CBFA2T3: variants seen among roughly 807,000 people sequenced by gnomAD.
CBFA2T3 encodes transcriptional corepressor CBFA2T3.
Under a neutral mutation model 58.6 loss-of-function variants are expected in CBFA2T3, and 31 were observed. The ratio of observed to expected loss-of-function variants is 0.53; its 90% CI spans 0.40 to 0.71. The LOEUF (loss-of-function observed/expected upper bound fraction) is 0.71. Ranked by LOEUF, CBFA2T3 falls within the 30% of genes least tolerant of loss-of-function variation. CBFA2T3 has a pLI of 0.00. For missense variants in CBFA2T3, 1,076 were observed against 963.1 expected, an observed-to-expected ratio of 1.12 and a Z score of -1.55; for synonymous variants, 531 against 421.9, an observed-to-expected ratio of 1.26 and a Z score of -3.17.
chr16:88,901,138 T>C (rs531339498), intron 2 of CBFA2T3, among the ~76,000 whole-genome samples: 1 of 152,222 alleles, frequency 6.6e-6, no homozygotes, highest in Non-Finnish European at 1.5e-5. Flanking sequence ...GAGCCTGGCA[T>C]TCCTAGGCCT....
At chr16:88,884,813 C>T (rs540475603) in intron 7 of CBFA2T3, 13 of 463,158 alleles carry the variant, frequency 2.8e-5, no homozygotes, top group Middle Eastern at 5.6e-4. Flanking sequence ...TGGGCAGTTC[C>T]AGGCCCGAGG....
Position 88,903,227 on chromosome 16 carries a change from AC to A in CBFA2T3, c.152-1572del, listed in dbSNP as rs547956887. Among the ~76,000 whole-genome samples, 16 of 152,282 alleles carry A rather than the reference AC, an allele frequency of 1.1e-4. No homozygotes were observed. The East Asian group carries it at 3.1e-3, about 29-fold the overall frequency. ...CGATCACATGCCAAATACGGCACAA[AC>A]CTCTGCTGATCCTCTTGCCGCCGGC... On this transcript the variant is annotated intron_variant, in intron 1 of 11. Transcript: ENST00000268679.
intron 1 of CBFA2T3, among the ~76,000 whole-genome samples, chr16:88,927,412 C>G (rs536590728): frequency 6.6e-6 from 1 of 152,330 alleles, no homozygotes; most frequent in East Asian, 1.9e-4. Context: ...TGACCCCAGA[C>G]CCAGCCTGTT....
rs757902306 is a variant in CBFA2T3 at position 88,960,444 on chromosome 16, A to G, written c.151+16213T>C. 9.2e-5 allele frequency among the ~76,000 whole-genome samples: 14 copies of G among 152,348 alleles called. No homozygotes were observed. The East Asian group carries it at 1.2e-3, about 13-fold the overall frequency. On this transcript the variant is annotated intron_variant, in intron 1 of 11. Coordinates refer to ENST00000268679, the MANE Select transcript of CBFA2T3 (RefSeq NM_005187.6). Reference sequence around the variant, plus strand: ...AAGGCCCTCGGGAGTGTCACATTTGAACACTATTGATTTGTGGACTGGAAC... The same window carrying G: ...AAGGCCCTCGGGAGTGTCACATTTGGACACTATTGATTTGTGGACTGGAAC...
intron 3 of CBFA2T3, among the ~76,000 whole-genome samples, chr16:88,894,710 T>G (rs1249323549): frequency 6.6e-6 from 1 of 152,214 alleles, no homozygotes; most frequent in Non-Finnish European, 1.5e-5. Flanking sequence ...CCCTCACCCG[T>G]GCTGAGAGTG....
intron 5 of CBFA2T3, chr16:88,886,389 G>A (rs768896896): frequency 5.2e-6 from 2 of 384,550 alleles, no homozygotes; most frequent in Non-Finnish European, 9.3e-6. Flanking sequence ...TGTGGGGCAT[G>A]TGGGACTTGA....
At chr16:88,912,710 C>T (rs764962810) in intron 1 of CBFA2T3, among the ~76,000 whole-genome samples, 4 of 152,218 alleles carry the variant, frequency 2.6e-5, no homozygotes, top group African/African-American at 7.2e-5. Flanking sequence ...TGCTGACTGG[C>T]GCATAAGGAC....
intron 1 of CBFA2T3, 124 bp from the exon 2 acceptor site, chr16:88,901,780 C>T (rs1970108890): frequency 2.4e-6 from 2 of 826,522 alleles, no homozygotes; most frequent in Non-Finnish European, 3.5e-6. Flanking sequence ...GCAGTCTGCC[C>T]CAGGTGTCCT....
Position 88,975,168 on chromosome 16 carries a change from T to TGGCC in CBFA2T3, c.151+1488_151+1489insGGCC, listed in dbSNP as rs1972800467. On this transcript the variant is annotated intron_variant, in intron 1 of 11. Coordinates refer to ENST00000268679, the MANE Select transcript of CBFA2T3 (RefSeq NM_005187.6). ...CCATGTCAGAGGTCCACCCTGACCC[T>TGGCC]CTCTGCTCCACATCTTTAGCCATGT... Among the ~76,000 whole-genome samples, 108 of 76,672 alleles carry TGGCC rather than the reference T, an allele frequency of 1.4e-3. 1 individual carries two copies. The highest frequency in any genetic ancestry group is 6.7e-3 in the Middle Eastern group (1 of 150). 50.3% of individuals were successfully genotyped at this position (76,672 alleles called of 152,430 possible). A position where few individuals can be genotyped will look rare whatever the true frequency, so the allele number is the denominator to read the frequency against.
chr16:88,974,934 G>A (rs1972761352), intron 1 of CBFA2T3, among the ~76,000 whole-genome samples: 1 of 152,180 alleles, frequency 6.6e-6, no homozygotes, highest in Admixed American at 6.5e-5. Context: ...GCCTGATGTG[G>A]CTAAGGCTGT....
chr16:88,912,984 C>G (rs569481916), intron 1 of CBFA2T3, among the ~76,000 whole-genome samples: 1 of 152,262 alleles, frequency 6.6e-6, no homozygotes, highest in Non-Finnish European at 1.5e-5. Context: ...GCCCTCTCCC[C>G]CAAGGCGCGT....
At chr16:88,898,502 G>A (rs1969976627) in intron 2 of CBFA2T3, among the ~76,000 whole-genome samples, 1 of 152,234 alleles carries the variant, frequency 6.6e-6, no homozygotes, top group South Asian at 2.1e-4. Context: ...CCTAAGGGCC[G>A]TTCTGGCAGC....
intron 9 of CBFA2T3, 172 bp from the exon 10 acceptor site, chr16:88,880,960 G>A (rs1325719949): frequency 8.9e-6 from 6 of 676,432 alleles, no homozygotes; most frequent in African/African-American, 5.3e-5. Flanking sequence ...GGCAGTGCCC[G>A]GGCACGGGGG....
chr16:88,968,930 C>G (rs975117312), intron 1 of CBFA2T3, among the ~76,000 whole-genome samples: 1 of 152,198 alleles, frequency 6.6e-6, no homozygotes, highest in African/African-American at 2.4e-5. Context: ...GCTCCAGGGT[C>G]TGCAGCGCTG....
At chr16:88,932,000 G>A (rs577306331) in intron 1 of CBFA2T3, among the ~76,000 whole-genome samples, 4 of 152,068 alleles carry the variant, frequency 2.6e-5, no homozygotes, top group African/African-American at 7.2e-5. Context: ...CTCCTGGCCC[G>A]GTTTTCACAC....
At chr16:88,887,537 G>A (rs1390401339) in intron 5 of CBFA2T3, among the ~76,000 whole-genome samples, 5 of 152,118 alleles carry the variant, frequency 3.3e-5, no homozygotes, top group African/African-American at 1.2e-4. Flanking sequence ...GGCTGCGTGT[G>A]GGGCAGGCTC....
chr16:88,881,352 G>A lies in CBFA2T3; in HGVS notation c.1341C>T (p.Gly447=), dbSNP rs751263024. The A allele has an allele frequency of 2.5e-6, 4 of 1,584,872 alleles. No homozygotes were observed. The highest frequency in any genetic ancestry group is 1.3e-5 in the African/African-American group (1 of 74,438). ...RYSDAEDTKK[G]PAPAAARPRS... ...GGGGCCGGGCCGCGGCGGGAGCGGG[G>A]CCCTTCTTTGTGTCCTCGGCGTCGC... The change falls in exon 9 of 12, where the codon GGC becomes GGT. Residue 447 remains glycine, a synonymous_variant. Transcript: ENST00000268679.
intron 1 of CBFA2T3, among the ~76,000 whole-genome samples, chr16:88,976,008 C>A (rs1972850380): frequency 6.6e-6 from 1 of 152,234 alleles, no homozygotes; most frequent in Non-Finnish European, 1.5e-5. Context: ...CAGCCCCCAG[C>A]GTCCGGGGAT....
At chr16:88,912,049 A>C (rs1207126930) in intron 1 of CBFA2T3, among the ~76,000 whole-genome samples, 1 of 152,202 alleles carries the variant, frequency 6.6e-6, no homozygotes, top group African/African-American at 2.4e-5. Flanking sequence ...GCTGAACCGT[A>C]GCAGACGAAA....
Sources: gnomAD v4.1 joint callset for allele counts (sites outside exome capture counted in the v4.1 genomes callset) on GRCh38, gnomAD v4.1.1 for gene constraint, MANE v1.5 for transcripts, NCBI Gene and HGNC (gene_info 2026-07-23, HGNC 2026-07-21) for gene names.